Variants in SLC4A4 observed in about 807,000 individuals in gnomAD.
SLC4A4 encodes the protein electrogenic sodium bicarbonate cotransporter 1.
SLC4A4 carries 27 observed loss-of-function variants against 111.5 expected under a neutral mutation model. That is an observed-to-expected ratio of 0.24 (90% CI 0.18 to 0.33). The LOEUF is 0.33. Ranked by LOEUF, SLC4A4 falls within the 10% of genes least tolerant of loss-of-function variation. The probability of loss-of-function intolerance (pLI) is 1.00; values close to 1 mark genes in which losing one functional copy is unlikely to be tolerated. For synonymous variants in SLC4A4, 443 were observed against 463.4 expected (o/e 0.96, Z 0.57); for missense variants, 909 against 1,315.5 (o/e 0.69, Z 4.78).
At chr4:71,140,788 T>C (rs559786265) in intron 2 of SLC4A4, among the ~76,000 whole-genome samples, 8 of 152,302 alleles carry the variant, frequency 5.3e-5, no homozygotes, top group African/African-American at 1.7e-4. Context: ...CCTCCACTGC[T>C]ACACCTGTCA....
intron 3 of SLC4A4, among the ~76,000 whole-genome samples, chr4:71,319,830 G>T (rs1230438970): frequency 6.6e-6 from 1 of 151,924 alleles, no homozygotes; most frequent in East Asian, 1.9e-4. Flanking sequence ...GGAGGGATTT[G>T]CTCTGTCAGA....
chr4:71,332,855 T>C (rs1329259365), intron 3 of SLC4A4, among the ~76,000 whole-genome samples: 3 of 152,252 alleles, frequency 2.0e-5, no homozygotes, highest in South Asian at 2.1e-4. Flanking sequence ...GAATTTCCAC[T>C]TGATTTTTAA....
At chr4:71,117,448 C>T (rs571692386) in intron 2 of SLC4A4, among the ~76,000 whole-genome samples, 23 of 152,086 alleles carry the variant, frequency 1.5e-4, no homozygotes, top group East Asian at 3.9e-4. Context: ...TTTGTTTTAA[C>T]GGTAAATTTT....
chr4:71,305,781 G>A (rs190613994), intron 3 of SLC4A4, among the ~76,000 whole-genome samples: 26 of 152,316 alleles, frequency 1.7e-4, no homozygotes, highest in African/African-American at 3.6e-4. Context: ...AACACGTGGC[G>A]TCTATTCCCG....
chr4:71,403,771 A>G (rs181588790), intron 7 of SLC4A4, among the ~76,000 whole-genome samples: 1 of 152,282 alleles, frequency 6.6e-6, no homozygotes, highest in Admixed American at 6.5e-5. Context: ...ATTTTTACCT[A>G]GAGTTTGTAT....
intron 4 of SLC4A4, among the ~76,000 whole-genome samples, chr4:71,348,370 C>A (rs1355997843): frequency 6.6e-6 from 1 of 150,620 alleles, no homozygotes; most frequent in South Asian, 2.1e-4. Flanking sequence ...GTCTTTCATT[C>A]TGTTTTGGAA....
chr4:71,327,118 T>G (rs1365298403), intron 3 of SLC4A4, among the ~76,000 whole-genome samples: 1 of 151,978 alleles, frequency 6.6e-6, no homozygotes, highest in Non-Finnish European at 1.5e-5. Flanking sequence ...TGATCACTAT[T>G]TCTATTAAAG....
chr4:71,212,806 GCTC>G (rs1162258562), intron 1 of SLC4A4, among the ~76,000 whole-genome samples: 2 of 152,200 alleles, frequency 1.3e-5, no homozygotes, highest in Non-Finnish European at 2.9e-5. Flanking sequence ...TGAGGCTAAA[GCTC>G]CTCTGTTGCT....
chr4:71,135,882 C>T (rs1241704078), intron 2 of SLC4A4, among the ~76,000 whole-genome samples: 13 of 152,188 alleles, frequency 8.5e-5, no homozygotes, highest in Admixed American at 7.9e-4. Context: ...AATACTTGTA[C>T]TCTTTGAGTT....
At chr4:71,530,087 A>G (rs935764536) in intron 16 of SLC4A4, among the ~76,000 whole-genome samples, 2 of 152,152 alleles carry the variant, frequency 1.3e-5, no homozygotes, top group Admixed American at 1.3e-4. Context: ...CTGTGACTCC[A>G]GATACTTCTA....
intron 16 of SLC4A4, among the ~76,000 whole-genome samples, chr4:71,530,007 C>T (rs1225036092): frequency 6.6e-6 from 1 of 152,124 alleles, no homozygotes; most frequent in Non-Finnish European, 1.5e-5. Context: ...CCAGTGTCAA[C>T]ACTACTTGCA....
chr4:71,144,760 G>T (rs1421885375), intron 2 of SLC4A4, among the ~76,000 whole-genome samples: 1 of 152,104 alleles, frequency 6.6e-6, no homozygotes, highest in Non-Finnish European at 1.5e-5. Context: ...TCTGTTGTCG[G>T]TGTATAAGAA....
rs60338885 is a variant in SLC4A4 at position 71,516,080 on chromosome 4, C to CTTTTTTTT, written c.2167-15956_2167-15949dup. Among the ~76,000 whole-genome samples the CTTTTTTTT allele has an allele frequency of 9.8e-5, 3 of 30,618 alleles. 1 individual carries two copies. The highest frequency in any genetic ancestry group is 2.5e-4 in the African/African-American group (2 of 7,846). 20.1% of individuals were successfully genotyped at this position (30,618 alleles called of 152,430 possible). ...TTATTATTTGTGGTTTGGGGGATTTCTTTTTTTTTTTTTTTTTTTTTTTTT... is the reference window on the plus strand; with the variant it reads ...TTATTATTTGTGGTTTGGGGGATTTCTTTTTTTTTTTTTTTTTTTTTTTTTTTTTTTTT... On this transcript the variant is annotated intron_variant, in intron 16 of 25. Coordinates refer to ENST00000264485, the MANE Select transcript of SLC4A4 (RefSeq NM_001098484.3).
chr4:71,356,173 A>G (rs1730269751), intron 5 of SLC4A4, among the ~76,000 whole-genome samples: 1 of 152,196 alleles, frequency 6.6e-6, no homozygotes, highest in Non-Finnish European at 1.5e-5. Flanking sequence ...GACTTGTGAG[A>G]AAGAGGGTTT....
intron 3 of SLC4A4, chr4:71,300,587 C>A: frequency 3.6e-6 from 1 of 277,448 alleles, no homozygotes; most frequent in Non-Finnish European, 7.4e-6. Context: ...TTCTGAAGTG[C>A]CAGGGGCAGC....
intron 2 of SLC4A4, 35 bp from the exon 3 acceptor site, chr4:71,255,184 GT>G (rs748404295): frequency 1.3e-6 from 2 of 1,597,580 alleles, no homozygotes; most frequent in Non-Finnish European, 1.7e-6. Context: ...AGAGAATGTG[GT>G]TTGAACTGAC....
At chr4:71,358,926 A>G (rs767306793) in intron 6 of SLC4A4, among the ~76,000 whole-genome samples, 30 of 152,294 alleles carry the variant, frequency 2.0e-4, no homozygotes, top group Admixed American at 5.9e-4. Context: ...TGCTGATTTA[A>G]TTCGTTTATC....
intron 3 of SLC4A4, among the ~76,000 whole-genome samples, chr4:71,279,046 A>T (rs956116944): frequency 2.6e-5 from 4 of 152,218 alleles, no homozygotes; most frequent in African/African-American, 9.7e-5. Flanking sequence ...GCTAATTTAC[A>T]TATTCATCAC....
intron 3 of SLC4A4, among the ~76,000 whole-genome samples, chr4:71,336,012 C>T (rs1462351477): frequency 6.6e-6 from 1 of 152,022 alleles, no homozygotes; most frequent in Non-Finnish European, 1.5e-5. Context: ...TATTTATTTT[C>T]CCTACATACA....
Sources: gnomAD v4.1 joint callset for allele counts (sites outside exome capture counted in the v4.1 genomes callset) on GRCh38, gnomAD v4.1.1 for gene constraint, MANE v1.5 for transcripts, NCBI Gene and HGNC (gene_info 2026-07-23, HGNC 2026-07-21) for gene names.